The following SYCP1 variants were observed in gnomAD, a reference collection of about 807,000 sequenced individuals.
SYCP1 encodes the protein synaptonemal complex protein 1.
In SYCP1, 64 loss-of-function variants were observed where a neutral mutation model predicts 153.1. The ratio of observed to expected loss-of-function variants is 0.42; its 90% CI spans 0.34 to 0.51. The LOEUF (loss-of-function observed/expected upper bound fraction) is 0.51. Among genes scored for constraint, SYCP1 ranks in the 20% least tolerant of loss-of-function variants. The pLI is 0.06. For missense variants in SYCP1, 997 were observed against 1,049.0 expected (o/e 0.95, Z 0.68); for synonymous variants, 384 against 341.8 (o/e 1.12, Z -1.36).
intron 16 of SYCP1, among the ~76,000 whole-genome samples, chr1:114,903,044 G>A (rs1033345153): frequency 1.2e-4 from 19 of 152,168 alleles, no homozygotes; most frequent in Non-Finnish European, 1.6e-4. Context: ...GCTGGGCGTG[G>A]TGGCAGTGTG....
chr1:114,857,157 A>AAAAAAAAAAG lies in SYCP1; in HGVS notation c.194-75_194-74insAAAAAAAAAG, dbSNP rs1664040863. ...CTCTCAAAAAAAAAAAAAAAAAAAAAGAGAAAAAAGAAAAAAAAAAAGAAA... is the reference window on the plus strand; with the variant it reads ...CTCTCAAAAAAAAAAAAAAAAAAAAAAAAAAAAAAGGAGAAAAAAGAAAAAAAAAAAGAAA... On this transcript the variant is annotated intron_variant, in intron 3 of 31. Coordinates refer to ENST00000369522, the MANE Select transcript of SYCP1 (RefSeq NM_003176.4). 1.6e-4 allele frequency: 137 copies of AAAAAAAAAAG among 881,404 alleles called. 1 individual carries two copies. The highest frequency in any genetic ancestry group is 1.9e-4 in the Non-Finnish European group (118 of 621,216). 54.6% of individuals were successfully genotyped at this position (881,404 alleles called of 1,614,324 possible).
At chr1:114,983,336 A>G (rs1339512796) in intron 29 of SYCP1, among the ~76,000 whole-genome samples, 1 of 151,978 alleles carries the variant, frequency 6.6e-6, no homozygotes, top group Non-Finnish European at 1.5e-5. Flanking sequence ...TGTTTGTCCC[A>G]ACTATTCATC....
intron 15 of SYCP1, among the ~76,000 whole-genome samples, chr1:114,889,316 C>G (rs1370448197): frequency 2.0e-5 from 3 of 152,094 alleles, no homozygotes; most frequent in Admixed American, 6.6e-5. Flanking sequence ...ATTTACACTC[C>G]CAACAGTGTA....
rs1035166441 is a variant in SYCP1 at position 114,877,974 on chromosome 1, G to T, written c.802-120G>T. On this transcript the variant is annotated intron_variant, in intron 11 of 31. Coordinates refer to ENST00000369522, the MANE Select transcript of SYCP1 (RefSeq NM_003176.4). Reference sequence around the variant, plus strand: ...CAGGGAGTAGAGACCAGGGTGGGAGGGTTAAGTGGACCAGCTGAAAAGCAT... The same window carrying T: ...CAGGGAGTAGAGACCAGGGTGGGAGTGTTAAGTGGACCAGCTGAAAAGCAT... The T allele has an allele frequency of 7.8e-5, 46 of 590,826 alleles. 2 individuals carry two copies. In the South Asian group the frequency reaches 9.8e-4, roughly 13 times the overall value. The allele number at this position is 590,826 out of a possible 1,614,324, so 36.6% of individuals were successfully genotyped here. A position where few individuals can be genotyped will look rare whatever the true frequency, so the allele number is the denominator to read the frequency against.
intron 15 of SYCP1, among the ~76,000 whole-genome samples, chr1:114,891,931 G>A (rs999551271): frequency 6.6e-6 from 1 of 152,160 alleles, no homozygotes; most frequent in Non-Finnish European, 1.5e-5. Flanking sequence ...ATTATAAATT[G>A]GGATAAGTGC....
At chr1:114,991,997 A>G (rs965922665) in intron 30 of SYCP1, among the ~76,000 whole-genome samples, 11 of 151,836 alleles carry the variant, frequency 7.2e-5, no homozygotes, top group African/African-American at 2.7e-4. Flanking sequence ...TTATGTTTTT[A>G]TATACCAGCG....
chr1:114,908,578 G>A (rs1283585900), intron 16 of SYCP1, among the ~76,000 whole-genome samples: 5 of 151,932 alleles, frequency 3.3e-5, no homozygotes, highest in Non-Finnish European at 7.4e-5. Context: ...TCAGACTATC[G>A]ATTCTGTTGT....
At chr1:114,932,067 T>A (rs1669668844) in intron 23 of SYCP1, among the ~76,000 whole-genome samples, 1 of 152,208 alleles carries the variant, frequency 6.6e-6, no homozygotes, top group Non-Finnish European at 1.5e-5. Flanking sequence ...ACATTAATTT[T>A]AAATGGGTTA....
rs536759368 is a variant in SYCP1 at position 114,983,922 on chromosome 1, T to A, written c.2560-803T>A. ...CTTTTTAAATTACATTTAATTTAAT[T>A]TTTGTTTTTGCTCTGTTGCCTGGGC... On this transcript the variant is annotated intron_variant, in intron 29 of 31. Transcript: ENST00000369522. Among the ~76,000 whole-genome samples the A allele has an allele frequency of 6.2e-4, 94 of 151,950 alleles. 3 individuals are homozygous for A. The South Asian group carries it at 0.018, about 29-fold the overall frequency.
chr1:114,870,251 G>C (rs777259608), intron 8 of SYCP1, among the ~76,000 whole-genome samples: 1 of 152,084 alleles, frequency 6.6e-6, no homozygotes, highest in South Asian at 2.1e-4. Context: ...GGGCTCAAGT[G>C]ATCCTCCATC....
chr1:114,963,257 A>G (rs1162507097), intron 27 of SYCP1, among the ~76,000 whole-genome samples: 1 of 152,198 alleles, frequency 6.6e-6, no homozygotes, highest in African/African-American at 2.4e-5. Context: ...TACTCCCTCA[A>G]ATAAATTTTC....
intron 27 of SYCP1, among the ~76,000 whole-genome samples, chr1:114,963,471 C>T (rs1412277603): frequency 6.6e-6 from 1 of 152,142 alleles, no homozygotes; most frequent in African/African-American, 2.4e-5. Context: ...GTTTGCTGCA[C>T]TCACCAATCT....
Position 114,910,399 on chromosome 1 carries a change from A to G in SYCP1, c.1323A>G (p.Gly441=), listed in dbSNP as rs754025602. 6.3e-7 allele frequency: 1 copy of G among 1,579,496 alleles called. No individual in the cohort carries two copies. Among genetic ancestry groups the G allele is most frequent in the South Asian group, 1.2e-5 (1 of 86,638 alleles). Residue 441 remains glycine (G), a splice_region_variant and synonymous_variant, in exon 17 of 32, where the codon GGA becomes GGG. Coordinates refer to ENST00000369522, the MANE Select transcript of SYCP1 (RefSeq NM_003176.4). Reference sequence around the variant, plus strand: ...GATTTGTTAATGTTTATAAATAGGGAGAAAAGGAAACACTTTTATATGAAA... The same window carrying G: ...GATTTGTTAATGTTTATAAATAGGGGGAAAAGGAAACACTTTTATATGAAA... ...VELEELKKVL[G]EKETLLYENK...
intron 15 of SYCP1, among the ~76,000 whole-genome samples, chr1:114,891,798 G>A (rs1048822080): frequency 2.0e-5 from 3 of 152,154 alleles, no homozygotes; most frequent in Admixed American, 6.5e-5. Flanking sequence ...AGGCTTAGAT[G>A]TTTATTCCTT....
intron 23 of SYCP1, among the ~76,000 whole-genome samples, chr1:114,934,359 T>A (rs1386430041): frequency 6.6e-6 from 1 of 152,140 alleles, no homozygotes. Context: ...AAGCAAATGC[T>A]GAGAGATTTT....
chr1:114,977,961 T>G (rs1456801939), intron 28 of SYCP1, among the ~76,000 whole-genome samples: 1 of 151,602 alleles, frequency 6.6e-6, no homozygotes, highest in Admixed American at 6.6e-5. Context: ...AGGCAAAATA[T>G]TTTCATAAAC....
chr1:114,857,611 G>T (rs1664094491), intron 5 of SYCP1, 114 bp downstream of exon 5: 3 of 830,472 alleles, frequency 3.6e-6, no homozygotes, highest in Admixed American at 7.3e-5. Flanking sequence ...AACGTTTTAA[G>T]ATATATCCTT....
chr1:114,938,705 C>A (rs1042424873), intron 23 of SYCP1, among the ~76,000 whole-genome samples: 10 of 151,916 alleles, frequency 6.6e-5, no homozygotes, highest in Non-Finnish European at 1.5e-4. Flanking sequence ...TTGTAGGATT[C>A]ATCCATAAAT....
At chr1:114,957,744 A>G (rs1324772967) in intron 27 of SYCP1, among the ~76,000 whole-genome samples, 1 of 152,186 alleles carries the variant, frequency 6.6e-6, no homozygotes, top group Non-Finnish European at 1.5e-5. Flanking sequence ...ATATAACCTC[A>G]CACCTATTAG....
Sources: gnomAD v4.1 joint callset for allele counts (sites outside exome capture counted in the v4.1 genomes callset) on GRCh38, gnomAD v4.1.1 for gene constraint, MANE v1.5 for transcripts, NCBI Gene and HGNC (gene_info 2026-07-23, HGNC 2026-07-21) for gene names.